Variants in WASHC4 observed in about 807,000 individuals in gnomAD.
The protein encoded by WASHC4 is WASH complex subunit 7.
WASHC4 carries 86 observed loss-of-function variants against 166.6 expected under a neutral mutation model. The ratio of observed to expected loss-of-function variants is 0.52; its 90% CI spans 0.43 to 0.62. The LOEUF is 0.62. Ranked by LOEUF, WASHC4 falls within the 20% of genes least tolerant of loss-of-function variation. The pLI is 0.00. For missense variants in WASHC4, 1,262 were observed against 1,382.4 expected (o/e 0.91, Z 1.38); for synonymous variants, 446 against 451.6 (o/e 0.99, Z 0.16).
At chr12:105,126,465 TA>T in intron 12 of WASHC4, 103 bp downstream of exon 12, 1 of 944,282 alleles carries the variant, frequency 1.1e-6, no homozygotes, top group Non-Finnish European at 1.6e-6. Flanking sequence ...AAAAATAATT[TA>T]AAAGTATTCA....
rs551033855 is a variant in WASHC4, at chr12:105,120,171, G to A, written c.519-384G>A. On this transcript the variant is annotated intron_variant, in intron 7 of 32. Transcript: ENST00000332180. Reference sequence around the variant, plus strand: ...GTAATTGAGAAATTCTAATAGTTTAGAAAGATATGAATACCACTTTTAATA... The same window carrying A: ...GTAATTGAGAAATTCTAATAGTTTAAAAAGATATGAATACCACTTTTAATA... Among the ~76,000 whole-genome samples, 188 of 152,328 alleles carry A rather than the reference G, an allele frequency of 1.2e-3. 1 individual carries two copies. Among genetic ancestry groups the A allele is most frequent in the African/African-American group, 4.4e-3 (185 of 41,580 alleles).
intron 24 of WASHC4, 87 bp downstream of exon 24, chr12:105,147,233 C>A: frequency 1.3e-6 from 1 of 799,730 alleles, no homozygotes; most frequent in Non-Finnish European, 2.2e-6. Flanking sequence ...TTGCGGTAAA[C>A]ATACACTACT....
At chr12:105,127,407 A>G in intron 13 of WASHC4, 118 bp downstream of exon 13, 2 of 814,332 alleles carry the variant, frequency 2.5e-6, no homozygotes, top group Non-Finnish European at 2.0e-6. Context: ...CTTGATAAGT[A>G]AGGGTCAGGC....
chr12:105,112,008 C>T (rs2135719225), intron 2 of WASHC4, among the ~76,000 whole-genome samples: 1 of 152,216 alleles, frequency 6.6e-6, no homozygotes, highest in South Asian at 2.1e-4. Context: ...CGTTCTCAGC[C>T]CCCAAAAAAG....
In WASHC4 at chr12:105,168,820, A is replaced by G. The variant is rs1439023920; in HGVS notation, c.*1889A>G. On this transcript the variant is annotated 3_prime_UTR_variant, in exon 33 of 33. Transcript: ENST00000332180. Reference sequence around the variant, plus strand: ...TCAAACTGCAGAGCAACAGGGCTTCAGTATATTCACATCTAATAGGTTAAT... The same window carrying G: ...TCAAACTGCAGAGCAACAGGGCTTCGGTATATTCACATCTAATAGGTTAAT... 2.0e-5 allele frequency: 3 copies of G among 152,266 alleles called. No individual in the cohort carries two copies. The highest frequency in any genetic ancestry group is 7.2e-5 in the African/African-American group (3 of 41,458). 9.4% of individuals were successfully genotyped at this position (152,266 alleles called of 1,614,324 possible). A position where few individuals can be genotyped will look rare whatever the true frequency, so the allele number is the denominator to read the frequency against.
chr12:105,125,844 C>A (rs1881231369), intron 10 of WASHC4, among the ~76,000 whole-genome samples, 160 bp from the exon 11 acceptor site: 1 of 151,852 alleles, frequency 6.6e-6, no homozygotes. Context: ...TCACAAAGAT[C>A]TAAATATTAG....
chr12:105,141,024 A>G lies in WASHC4; in HGVS notation c.1686A>G (p.Ala562=). Residue 562 remains alanine, a synonymous_variant, in exon 17 of 33, where the codon GCA becomes GCG. Transcript: ENST00000332180. The part of the protein sequence containing the change: ...TKQRRLIVSL[A]LSVGTQMKTF... Reference sequence around the variant, plus strand: ...AACGGCGACTTATTGTTTCTTTGGCACTAAGTGTTGGCACACAAATGGTAA... The same window carrying G: ...AACGGCGACTTATTGTTTCTTTGGCGCTAAGTGTTGGCACACAAATGGTAA... 6.2e-7 allele frequency: 1 copy of G among 1,614,190 alleles called. No individual in the cohort carries two copies. Among genetic ancestry groups the G allele is most frequent in the Non-Finnish European group, 8.5e-7 (1 of 1,180,006 alleles).
At position 105,141,250 on chromosome 12, in the gene WASHC4, A is replaced by AC; in HGVS notation, c.1787+4_1787+5insC. 6.3e-7 allele frequency: 1 copy of AC among 1,580,968 alleles called. No homozygotes were observed. The highest frequency in any genetic ancestry group is 1.3e-5 in the African/African-American group (1 of 74,356). ...TTATTAGTGAACTTAGAGAACGGTA[A>AC]GTAGGACTGGGATATGCTGTGGTAC... On this transcript the variant is annotated splice_donor_region_variant and intron_variant, in intron 18 of 32. Coordinates refer to ENST00000332180, the MANE Select transcript of WASHC4 (RefSeq NM_015275.3).
At chr12:105,115,633 A>C (rs781363166) in intron 5 of WASHC4, 28 bp from the exon 6 acceptor site, 3 of 1,558,660 alleles carry the variant, frequency 1.9e-6, no homozygotes, top group Non-Finnish European at 2.7e-6. Flanking sequence ...AAAAAATGAA[A>C]TATGCTTATT....
intron 2 of WASHC4, among the ~76,000 whole-genome samples, 168 bp downstream of exon 2, chr12:105,111,432 T>C (rs947605594): frequency 1.3e-5 from 2 of 152,244 alleles, no homozygotes; most frequent in African/African-American, 4.8e-5. Context: ...CAGATGTTTT[T>C]TAAATGTGTG....
At chr12:105,154,721 T>C (rs965586567) in intron 26 of WASHC4, among the ~76,000 whole-genome samples, 2 of 152,234 alleles carry the variant, frequency 1.3e-5, no homozygotes, top group African/African-American at 2.4e-5. Context: ...ACATAATTTG[T>C]AGGTCTCTTA....
Position 105,157,297 on chromosome 12 carries a change from G to C in WASHC4, c.2887G>C (p.Ala963Pro). The change falls in exon 28 of 33, where the codon GCA (alanine) becomes CCA (proline). Residue 963 changes from alanine to proline, a missense_variant. Physicochemically the swap from Ala to Pro is conservative, Grantham distance 27. Transcript: ENST00000332180. ...FEELVKEEGLAEETLKAARHL... is the reference protein window; with the variant it reads ...FEELVKEEGLPEETLKAARHL... ...AGAACTAGTAAAAGAAGAAGGTCTT[G>C]CAGAAGAAACATTAAAAGCAGCAAG... 1 of 1,559,504 alleles carries C rather than the reference G, an allele frequency of 6.4e-7. No homozygotes were observed. The highest frequency in any genetic ancestry group is 8.8e-7 in the Non-Finnish European group (1 of 1,134,696).
At chr12:105,138,128 AG>A in intron 15 of WASHC4, 117 bp downstream of exon 15, 1 of 975,440 alleles carries the variant, frequency 1.0e-6, no homozygotes, top group Non-Finnish European at 1.5e-6. Context: ...ATTGTGAGAA[AG>A]TACTTCTCTC....
intron 26 of WASHC4, among the ~76,000 whole-genome samples, chr12:105,155,395 G>T (rs80193242): frequency 6.6e-6 from 1 of 152,076 alleles, no homozygotes; most frequent in Admixed American, 6.5e-5. Context: ...GCCCTGATTC[G>T]TTCACATTTT....
intron 14 of WASHC4, among the ~76,000 whole-genome samples, chr12:105,135,033 T>C (rs1321543739): frequency 1.3e-5 from 2 of 152,094 alleles, no homozygotes; most frequent in African/African-American, 4.8e-5. Flanking sequence ...TTAGCTCTAA[T>C]GTATGTTAGT....
intron 8 of WASHC4, among the ~76,000 whole-genome samples, 182 bp downstream of exon 8, chr12:105,120,779 A>G (rs1243934633): frequency 6.6e-6 from 1 of 152,094 alleles, no homozygotes; most frequent in African/African-American, 2.4e-5. Flanking sequence ...GTCATTATTG[A>G]CCATTATCAG....
chr12:105,123,506 A>AC (rs1880984540), intron 10 of WASHC4, among the ~76,000 whole-genome samples: 1 of 152,188 alleles, frequency 6.6e-6, no homozygotes, highest in African/African-American at 2.4e-5. Context: ...AATCAAACCA[A>AC]CCGCAACATT....
intron 13 of WASHC4, among the ~76,000 whole-genome samples, chr12:105,130,669 GA>G (rs1258718922): frequency 3.3e-5 from 5 of 151,792 alleles, no homozygotes; most frequent in African/African-American, 1.2e-4. Context: ...TTATGTAAGT[GA>G]GTAGGGAGCA....
At position 105,121,091 on chromosome 12, in the gene WASHC4, T is replaced by A. The variant is rs1880698466; in HGVS notation, c.562-10T>A. 4.4e-6 allele frequency: 7 copies of A among 1,597,066 alleles called. 1 individual carries two copies. The Admixed American group carries it at 5.0e-5, about 11-fold the overall frequency. ...TGACTAAATGATAATCATTAAAGGT[T>A]TTTTGACAGACTATGTATGAGCACT... On this transcript the variant is annotated splice_polypyrimidine_tract_variant and intron_variant, in intron 8 of 32. Coordinates refer to ENST00000332180, the MANE Select transcript of WASHC4 (RefSeq NM_015275.3).
Sources: allele counts gnomAD v4.1 joint callset (sites outside exome capture counted in the v4.1 genomes callset), GRCh38; gene constraint gnomAD v4.1.1; transcripts MANE v1.5; gene names NCBI Gene and HGNC (gene_info 2026-07-23, HGNC 2026-07-21).